Variants in RAB10 observed in about 807,000 individuals in gnomAD.
RAB10 encodes ras-related protein Rab-10.
A neutral mutation model predicts 25.7 loss-of-function variants in RAB10; 5 were observed. The ratio of observed to expected loss-of-function variants is 0.19; its 90% CI spans 0.10 to 0.41. RAB10 has a LOEUF of 0.41. Among genes scored for constraint, RAB10 ranks in the 10% least tolerant of loss-of-function variants. The pLI is 1.00. For synonymous variants in RAB10, 89 were observed against 86.4 expected (o/e 1.03, Z -0.16); for missense variants, 103 against 245.8 (o/e 0.42, Z 3.89).
At chr2:26,047,723 G>GTTTTTT (rs34517359) in intron 1 of RAB10, among the ~76,000 whole-genome samples, 7 of 107,864 alleles carry the variant, frequency 6.5e-5, no homozygotes, top group Admixed American at 1.2e-4. Flanking sequence ...TGCCTGGCCT[G>GTTTTTT]TTTTTTTTTT....
At chr2:26,107,774 C>A (rs1237203125) in intron 2 of RAB10, among the ~76,000 whole-genome samples, 1 of 150,966 alleles carries the variant, frequency 6.6e-6, no homozygotes, top group Non-Finnish European at 1.5e-5. Flanking sequence ...CCAGCCTGGG[C>A]GGCAAGATCG....
intron 1 of RAB10, among the ~76,000 whole-genome samples, chr2:26,065,337 C>G (rs960870328): frequency 6.6e-6 from 1 of 151,862 alleles, no homozygotes; most frequent in Non-Finnish European, 1.5e-5. Context: ...ATTGTTTTCT[C>G]CAGTATGGCT....
chr2:26,120,307 G>C (rs747824398), intron 3 of RAB10, among the ~76,000 whole-genome samples: 5 of 152,268 alleles, frequency 3.3e-5, no homozygotes, highest in African/African-American at 4.8e-5. Flanking sequence ...ACTTCTTTGG[G>C]ATCATGGACC....
Position 26,135,046 on chromosome 2 carries a change from C to G in RAB10, c.*25C>G. The G allele has an allele frequency of 6.4e-7, 1 of 1,565,404 alleles. No individual in the cohort carries two copies. The highest frequency in any genetic ancestry group is 2.3e-5 in the East Asian group (1 of 44,434). On this transcript the variant is annotated 3_prime_UTR_variant, in exon 6 of 6. Transcript: ENST00000264710. ...AGCATTCTCCTGTTCCATCAGTTGCCATCCACTACCCCGTTTTCTCTTCTT... is the reference window on the plus strand; with the variant it reads ...AGCATTCTCCTGTTCCATCAGTTGCGATCCACTACCCCGTTTTCTCTTCTT...
chr2:26,058,882 C>T (rs968458682), intron 1 of RAB10, among the ~76,000 whole-genome samples: 1 of 152,236 alleles, frequency 6.6e-6, no homozygotes, highest in Non-Finnish European at 1.5e-5. Flanking sequence ...GACTTCTACA[C>T]AGTAATTAAT....
chr2:26,034,474 C>G lies in RAB10; in HGVS notation c.-135C>G. 8.1e-7 allele frequency: 1 copy of G among 1,232,660 alleles called. No homozygotes were observed. The highest frequency in any genetic ancestry group is 1.1e-6 in the Non-Finnish European group (1 of 897,538). The allele number at this position is 1,232,660 out of a possible 1,614,324, so 76.4% of individuals were successfully genotyped here. On this transcript the variant is annotated 5_prime_UTR_variant, in exon 1 of 6. Transcript: ENST00000264710. ...TTCCTCAAAGCTGTTCGTAGGTCGCCCGCGCCGTCTCGAGCCTTTTTCCCA... is the reference window on the plus strand; with the variant it reads ...TTCCTCAAAGCTGTTCGTAGGTCGCGCGCGCCGTCTCGAGCCTTTTTCCCA...
chr2:26,122,244 G>A (rs1190869549), intron 3 of RAB10, among the ~76,000 whole-genome samples: 1 of 152,190 alleles, frequency 6.6e-6, no homozygotes, highest in African/African-American at 2.4e-5. Context: ...GCCACAGCAG[G>A]AGGTGTGAAA....
intron 1 of RAB10, among the ~76,000 whole-genome samples, chr2:26,059,924 GT>G (rs200019668): frequency 6.6e-6 from 1 of 151,916 alleles, no homozygotes; most frequent in African/African-American, 2.4e-5. Flanking sequence ...AATTATGTGG[GT>G]TTTTTTTACC....
At chr2:26,039,252 G>A (rs1256137840) in intron 1 of RAB10, among the ~76,000 whole-genome samples, 5 of 150,502 alleles carry the variant, frequency 3.3e-5, no homozygotes, top group South Asian at 2.1e-4. Context: ...AACTCCTGAC[G>A]TCAGGTGATC....
intron 1 of RAB10, among the ~76,000 whole-genome samples, chr2:26,059,503 A>G (rs960564633): frequency 2.6e-5 from 4 of 152,246 alleles, no homozygotes; most frequent in African/African-American, 9.6e-5. Flanking sequence ...TTTGAGAAGC[A>G]CATGGTAAGT....
At chr2:26,072,867 C>T (rs1666657414) in intron 1 of RAB10, among the ~76,000 whole-genome samples, 1 of 152,134 alleles carries the variant, frequency 6.6e-6, no homozygotes, top group Non-Finnish European at 1.5e-5. Context: ...TTTTAAATTG[C>T]ATTAAATACT....
At chr2:26,120,338 T>TA (rs1667777697) in intron 3 of RAB10, among the ~76,000 whole-genome samples, 2 of 152,338 alleles carry the variant, frequency 1.3e-5, no homozygotes, top group African/African-American at 4.8e-5. Context: ...ATTAGAATCT[T>TA]ACCAGAATGA....
At position 26,086,020 on chromosome 2, in the gene RAB10, G is replaced by T. The variant is rs560191061; in HGVS notation, c.128-12642G>T. Among the ~76,000 whole-genome samples the T allele has an allele frequency of 1.9e-3, 263 of 140,202 alleles. 1 individual carries two copies. Among genetic ancestry groups the T allele is most frequent in the African/African-American group, 6.1e-3 (230 of 37,722 alleles). The allele number at this position is 140,202 out of a possible 152,430, so 92.0% of individuals were successfully genotyped here. On this transcript the variant is annotated intron_variant, in intron 1 of 5. Coordinates refer to ENST00000264710, the MANE Select transcript of RAB10 (RefSeq NM_016131.5). ...CTCCAAAAAAAAAAAAAAAAAAAGG[G>T]GGGGGGCAAAGGGGCCCGATGCGGT...
intron 1 of RAB10, among the ~76,000 whole-genome samples, chr2:26,042,410 A>G (rs987632260): frequency 6.6e-5 from 10 of 151,956 alleles, no homozygotes; most frequent in Non-Finnish European, 1.2e-4. Context: ...CTGAGGCAGG[A>G]GGATAGCTTG....
At position 26,135,258 on chromosome 2, in the gene RAB10, CTTGCTCAGCTCAACTGCA is replaced by C. The variant is rs1158749337; in HGVS notation, c.*240_*257del. The stretch of plus-strand genomic sequence containing the variant: ...GTCTGTGAGTTCATTTTTAAATGTA[CTTGCTCAGCTCAACTGCA>C]TTTCAGTTGTATTATAGTCCAGTTC... On this transcript the variant is annotated 3_prime_UTR_variant, in exon 6 of 6. Coordinates refer to ENST00000264710, the MANE Select transcript of RAB10 (RefSeq NM_016131.5). 4 of 436,150 alleles carry C rather than the reference CTTGCTCAGCTCAACTGCA, an allele frequency of 9.2e-6. No homozygotes were observed. The highest frequency in any genetic ancestry group is 1.2e-5 in the Non-Finnish European group (3 of 244,706). The allele number at this position is 436,150 out of a possible 1,614,324, so 27.0% of individuals were successfully genotyped here.
rs543242776 is a variant in RAB10, at chr2:26,046,198, G to A, written c.127+11463G>A. On this transcript the variant is annotated intron_variant, in intron 1 of 5. Transcript: ENST00000264710. ...AAATTAGCTGGGCATGGTGGCGCATGCCTGTAGTCCCAGCTACTCGGGAGG... is the reference window on the plus strand; with the variant it reads ...AAATTAGCTGGGCATGGTGGCGCATACCTGTAGTCCCAGCTACTCGGGAGG... Among the ~76,000 whole-genome samples the A allele has an allele frequency of 2.5e-3, 386 of 152,244 alleles. 3 individuals carry two copies. The highest frequency in any genetic ancestry group is 4.6e-3 in the Non-Finnish European group (313 of 68,008).
intron 1 of RAB10, among the ~76,000 whole-genome samples, chr2:26,075,449 T>G (rs957136556): frequency 2.0e-5 from 3 of 152,156 alleles, no homozygotes; most frequent in Non-Finnish European, 4.4e-5. Flanking sequence ...TGGAGGGGTC[T>G]TGAATGGATA....
At chr2:26,120,293 C>T (rs1184547507) in intron 3 of RAB10, among the ~76,000 whole-genome samples, 4 of 152,170 alleles carry the variant, frequency 2.6e-5, no homozygotes, top group Admixed American at 2.0e-4. Flanking sequence ...AACCATGCTT[C>T]TGTACTTCTT....
intron 1 of RAB10, among the ~76,000 whole-genome samples, chr2:26,035,200 G>T (rs1356779174): frequency 6.6e-6 from 1 of 152,168 alleles, no homozygotes; most frequent in Admixed American, 6.5e-5. Flanking sequence ...TTTCTGAGAA[G>T]AATAATTAAG....
Sources: allele counts gnomAD v4.1 joint callset (sites outside exome capture counted in the v4.1 genomes callset), GRCh38; gene constraint gnomAD v4.1.1; transcripts MANE v1.5; gene names NCBI Gene and HGNC (gene_info 2026-07-23, HGNC 2026-07-21).